TTC28: variants seen among roughly 807,000 people sequenced by gnomAD.
The protein encoded by TTC28 is tetratricopeptide repeat domain 28.
A neutral mutation model predicts 198.0 loss-of-function variants in TTC28; 61 were observed. The observed-to-expected ratio is 0.31, with a 90% CI of 0.25 to 0.38. TTC28 has a LOEUF of 0.38. Ranked by LOEUF, TTC28 falls within the 10% of genes least tolerant of loss-of-function variation. TTC28 has a pLI of 1.00. For synonymous variants in TTC28, 1,171 were observed against 1,297.8 expected, an observed-to-expected ratio of 0.90 and a Z score of 2.10; for missense variants, 2,678 against 3,164.0, an observed-to-expected ratio of 0.85 and a Z score of 3.69.
In TTC28 at chr22:28,013,760, G is replaced by A. The variant is rs182815164; in HGVS notation, c.4218+488C>T. On this transcript the variant is annotated intron_variant, in intron 14 of 22. Transcript: ENST00000397906. ...ACAGCCACGGCCACATCCCCGAGGC[G>A]TCTGCTAGGTGGGAAAGGGCACATC... Among the ~76,000 whole-genome samples the A allele has an allele frequency of 2.7e-3, 416 of 151,516 alleles. 1 individual carries two copies. The highest frequency in any genetic ancestry group is 6.3e-3 in the African/African-American group (260 of 41,264).
intron 19 of TTC28, among the ~76,000 whole-genome samples, chr22:27,991,606 A>C (rs1397167795): frequency 6.6e-6 from 1 of 152,218 alleles, no homozygotes; most frequent in South Asian, 2.1e-4. Flanking sequence ...GCTGGCAAAT[A>C]TCTCTAATAA....
chr22:28,323,094 G>A (rs2045472422), intron 2 of TTC28, among the ~76,000 whole-genome samples: 1 of 152,176 alleles, frequency 6.6e-6, no homozygotes, highest in African/African-American at 2.4e-5. Flanking sequence ...AGGGATTAGG[G>A]CATGGACATT....
intron 2 of TTC28, among the ~76,000 whole-genome samples, chr22:28,578,521 C>T (rs528276175): frequency 6.6e-6 from 1 of 152,194 alleles, no homozygotes; most frequent in South Asian, 2.1e-4. Flanking sequence ...CCCCTCCAAC[C>T]CCCACCACTA....
chr22:28,225,373 AGAAG>A (rs1569208859), intron 5 of TTC28, among the ~76,000 whole-genome samples: 2,117 of 109,604 alleles, frequency 0.019, 69 homozygotes, highest in African/African-American at 0.071. Context: ...AAAGAAAAGA[AGAAG>A]AAGAAGAAGA....
chr22:28,345,954 A>G (rs1040558204), intron 2 of TTC28, among the ~76,000 whole-genome samples: 1 of 152,216 alleles, frequency 6.6e-6, no homozygotes, highest in South Asian at 2.1e-4. Context: ...TACCTTACAA[A>G]TCTGTAAATT....
In TTC28 at chr22:28,450,115, G is replaced by T. The variant is rs568166840; in HGVS notation, c.382-143472C>A. Among the ~76,000 whole-genome samples the T allele has an allele frequency of 2.1e-3, 317 of 152,242 alleles. 2 individuals carry two copies. Among genetic ancestry groups the T allele is most frequent in the African/African-American group, 7.2e-3 (298 of 41,532 alleles). On this transcript the variant is annotated intron_variant, in intron 2 of 22. Coordinates refer to ENST00000397906, the MANE Select transcript of TTC28 (RefSeq NM_001145418.2). Reference sequence around the variant, plus strand: ...ATATATTGATGTAGATATTGATATAGATATGGATAAATAGAGCTATAAAGA... The same window carrying T: ...ATATATTGATGTAGATATTGATATATATATGGATAAATAGAGCTATAAAGA...
chr22:28,070,080 A>G (rs1940910417), intron 12 of TTC28, among the ~76,000 whole-genome samples: 1 of 152,188 alleles, frequency 6.6e-6, no homozygotes, highest in African/African-American at 2.4e-5. Context: ...CATTCTAGCA[A>G]TGATCAGAAA....
chr22:28,619,488 C>T (rs1055829552), intron 2 of TTC28, among the ~76,000 whole-genome samples: 34 of 152,162 alleles, frequency 2.2e-4, no homozygotes, highest in African/African-American at 8.0e-4. Flanking sequence ...CACCAGTCCC[C>T]TAACAACACA....
rs2050069787 is a variant in TTC28 at position 28,571,991 on chromosome 22, T to C, written c.381+57561A>G. ...AAACAAACAAAAAAAAAACCGATAATGTATACTCTGCCACCCAGCAACTTA... is the reference window on the plus strand; with the variant it reads ...AAACAAACAAAAAAAAAACCGATAACGTATACTCTGCCACCCAGCAACTTA... On this transcript the variant is annotated intron_variant, in intron 2 of 22. Transcript: ENST00000397906. 2.0e-5 allele frequency among the ~76,000 whole-genome samples: 3 copies of C among 147,182 alleles called. No individual in the cohort carries two copies. In the South Asian group the frequency reaches 6.4e-4, roughly 31 times the overall value.
chr22:28,440,025 G>A (rs180945331), intron 2 of TTC28, among the ~76,000 whole-genome samples: 12 of 152,238 alleles, frequency 7.9e-5, no homozygotes, highest in East Asian at 1.9e-4. Flanking sequence ...TAGTAGAGAC[G>A]GGGTTTCACC....
At chr22:28,293,782 AAC>A (rs2044836392) in intron 5 of TTC28, among the ~76,000 whole-genome samples, 2 of 152,192 alleles carry the variant, frequency 1.3e-5, no homozygotes. Flanking sequence ...CAATAGAAGA[AAC>A]ACAGTAGGAA....
chr22:28,640,723 T>C (rs2051351353), intron 1 of TTC28, among the ~76,000 whole-genome samples: 1 of 151,986 alleles, frequency 6.6e-6, no homozygotes, highest in Non-Finnish European at 1.5e-5. Context: ...GAGAAAATAC[T>C]CTTCAAAACT....
intron 2 of TTC28, among the ~76,000 whole-genome samples, chr22:28,394,333 G>A (rs2046781552): frequency 6.6e-6 from 1 of 152,158 alleles, no homozygotes. Flanking sequence ...ATAGTGCCTT[G>A]AATATAACAC....
At chr22:28,605,801 T>C (rs5762713) in intron 2 of TTC28, among the ~76,000 whole-genome samples, 11,979 of 152,252 alleles carry the variant, frequency 0.079, 585 homozygotes, top group Admixed American at 0.15. Context: ...AAATCTAACA[T>C]TTAAAAAGTA....
At chr22:28,336,638 T>C (rs1401097246) in intron 2 of TTC28, among the ~76,000 whole-genome samples, 1 of 152,196 alleles carries the variant, frequency 6.6e-6, no homozygotes, top group Admixed American at 6.5e-5. Flanking sequence ...AGGTGGTTTA[T>C]AGTATCATCT....
At chr22:28,528,726 A>T (rs2049063101) in intron 2 of TTC28, among the ~76,000 whole-genome samples, 1 of 140,868 alleles carries the variant, frequency 7.1e-6, no homozygotes, top group Admixed American at 7.4e-5. Context: ...ACAGAGCAAG[A>T]CCCTGTCTCA....
intron 2 of TTC28, among the ~76,000 whole-genome samples, chr22:28,316,554 A>G (rs556049758): frequency 6.6e-6 from 1 of 152,236 alleles, no homozygotes; most frequent in South Asian, 2.1e-4. Flanking sequence ...CATCATAACT[A>G]TAGTTAGTCT....
intron 1 of TTC28, among the ~76,000 whole-genome samples, chr22:28,661,053 G>A (rs1009190974): frequency 6.6e-6 from 1 of 151,960 alleles, no homozygotes; most frequent in Non-Finnish European, 1.5e-5. Context: ...GGGAGGCCGA[G>A]GTGAGCGGAT....
At chr22:28,133,800 C>T (rs947848506) in intron 6 of TTC28, among the ~76,000 whole-genome samples, 3 of 152,216 alleles carry the variant, frequency 2.0e-5, no homozygotes, top group Non-Finnish European at 4.4e-5. Flanking sequence ...CATAGCCAAA[C>T]AAAAGGCAGC....
Sources: gnomAD v4.1 joint callset for allele counts (sites outside exome capture counted in the v4.1 genomes callset) on GRCh38, gnomAD v4.1.1 for gene constraint, MANE v1.5 for transcripts, NCBI Gene and HGNC (gene_info 2026-07-23, HGNC 2026-07-21) for gene names.